The following EIPR1 variants were observed in gnomAD, a reference collection of about 807,000 sequenced individuals.
EIPR1 encodes EARP complex and GARP complex interacting protein 1.
A neutral mutation model predicts 48.1 loss-of-function variants in EIPR1; 25 were observed. That is an observed-to-expected ratio of 0.52 (90% CI 0.38 to 0.73). The LOEUF is 0.73. EIPR1 is among the 30% of genes least tolerant of loss of function. EIPR1 has a pLI of 0.00. For synonymous variants in EIPR1, 204 were observed against 201.9 expected, an observed-to-expected ratio of 1.01 and a Z score of -0.09; for missense variants, 415 against 506.2, an observed-to-expected ratio of 0.82 and a Z score of 1.73.
chr2:3,226,351 T>G (rs1356975025), intron 4 of EIPR1, among the ~76,000 whole-genome samples: 1 of 152,232 alleles, frequency 6.6e-6, no homozygotes. Flanking sequence ...CGGTTTTGAT[T>G]TCCATTTTTC....
rs56188604 is a variant in EIPR1, at chr2:3,265,669, C to T, written c.260-8214G>A. ...AGGGCTCAAGGCTGCCACATAAAAC[C>T]AGACATATGGCACAAACCGCAGCAG... On this transcript the variant is annotated intron_variant, in intron 3 of 8. Transcript: ENST00000382125. Among the ~76,000 whole-genome samples, 553 of 152,314 alleles carry T rather than the reference C, an allele frequency of 3.6e-3. 3 individuals carry two copies. The highest frequency in any genetic ancestry group is 0.013 in the African/African-American group (537 of 41,564).
At position 3,280,606 on chromosome 2, in the gene EIPR1, C is replaced by G. The variant is rs573799860; in HGVS notation, c.260-23151G>C. ...CAAGGCTGCGAGCAAACGAGGTTGC[C>G]TTGTCTAAGTCAGCTACAAGTATCC... is the stretch of plus-strand genomic sequence containing the variant. On this transcript the variant is annotated intron_variant, in intron 3 of 8. Coordinates refer to ENST00000382125, the MANE Select transcript of EIPR1 (RefSeq NM_003310.5). Among the ~76,000 whole-genome samples, 9 of 152,368 alleles carry G rather than the reference C, an allele frequency of 5.9e-5. No homozygotes were observed. In the East Asian group the frequency reaches 1.7e-3, roughly 29 times the overall value.
Position 3,208,777 on chromosome 2 carries a change from C to T in EIPR1, c.516+5372G>A, listed in dbSNP as rs1321656055. ...TGAGGCCCGTGGCGAGTCCTTCTTCCTTGAGTGAGGCTCGTGGCAGGTCCT... is the reference window on the plus strand; with the variant it reads ...TGAGGCCCGTGGCGAGTCCTTCTTCTTTGAGTGAGGCTCGTGGCAGGTCCT... On this transcript the variant is annotated intron_variant, in intron 5 of 8. Transcript: ENST00000382125. 3 of 1,548,604 alleles carry T rather than the reference C, an allele frequency of 1.9e-6. No homozygotes were observed. In the African/African-American group the frequency reaches 4.1e-5, roughly 21 times the overall value.
intron 2 of EIPR1, among the ~76,000 whole-genome samples, chr2:3,339,785 C>T (rs2103353837): frequency 2.0e-5 from 3 of 152,312 alleles, no homozygotes; most frequent in Admixed American, 2.0e-4. Flanking sequence ...CCCGTCTCTA[C>T]TAAAAATACA....
intron 2 of EIPR1, 149 bp downstream of exon 2, chr2:3,354,401 T>C (rs1572479688): frequency 1.5e-6 from 1 of 682,750 alleles, no homozygotes; most frequent in East Asian, 2.8e-5. Context: ...ATTCTTTGAT[T>C]TGAAGATAGA....
chr2:3,370,594 G>T (rs1177241161), intron 1 of EIPR1, among the ~76,000 whole-genome samples: 1 of 150,750 alleles, frequency 6.6e-6, no homozygotes, highest in African/African-American at 2.4e-5. Context: ...GAAGAATGCA[G>T]AAGCCTCAGG....
intron 2 of EIPR1, 21 bp from the exon 3 acceptor site, chr2:3,338,170 C>A: frequency 6.2e-7 from 1 of 1,607,912 alleles, no homozygotes; most frequent in South Asian, 1.1e-5. Context: ...AAGAAAAGAG[C>A]ACATCAGGAT....
At chr2:3,350,163 T>TA (rs1238893409) in intron 2 of EIPR1, among the ~76,000 whole-genome samples, 1 of 145,946 alleles carries the variant, frequency 6.9e-6, no homozygotes, top group African/African-American at 2.5e-5. Context: ...TACTGGGTAG[T>TA]TTATAAAGAA....
intron 4 of EIPR1, among the ~76,000 whole-genome samples, chr2:3,222,261 A>C (rs116124528): frequency 1.3e-5 from 2 of 152,336 alleles, no homozygotes; most frequent in African/African-American, 4.8e-5. Flanking sequence ...GGGGGAGAGG[A>C]CTGTATTTCC....
chr2:3,292,132 C>G (rs1200552605), intron 3 of EIPR1, among the ~76,000 whole-genome samples: 1 of 152,248 alleles, frequency 6.6e-6, no homozygotes, highest in Non-Finnish European at 1.5e-5. Flanking sequence ...AACCTACTAA[C>G]ATCTGGGGCC....
At position 3,307,122 on chromosome 2, in the gene EIPR1, C is replaced by T. The variant is rs148792205; in HGVS notation, c.259+30895G>A. Among the ~76,000 whole-genome samples, 1,203 of 152,126 alleles carry T rather than the reference C, an allele frequency of 7.9e-3. 21 individuals are homozygous for T. Among genetic ancestry groups the T allele is most frequent in the African/African-American group, 0.027 (1,123 of 41,484 alleles). ...GGATTACAGGCGCCTGCCACCACAC[C>T]CTGCTAATTTTTGTATTTTAGTAGA... On this transcript the variant is annotated intron_variant, in intron 3 of 8. Coordinates refer to ENST00000382125, the MANE Select transcript of EIPR1 (RefSeq NM_003310.5).
rs1223330493 is a variant in EIPR1 at position 3,284,354 on chromosome 2, G to A, written c.260-26899C>T. ...AAGCTGGGCACATGGAGATGGGGCC[G>A]GAGGCCGCCCACAGGCACAGAAGGC... On this transcript the variant is annotated intron_variant, in intron 3 of 8. Transcript: ENST00000382125. 4.1e-5 allele frequency among the ~76,000 whole-genome samples: 5 copies of A among 121,330 alleles called. No homozygotes were observed. In the South Asian group the frequency reaches 1.2e-3, roughly 29 times the overall value. The allele number at this position is 121,330 out of a possible 152,430, so 79.6% of individuals were successfully genotyped here. A position where few individuals can be genotyped will look rare whatever the true frequency, so the allele number is the denominator to read the frequency against.
chr2:3,321,060 G>A (rs1018869149), intron 3 of EIPR1, among the ~76,000 whole-genome samples: 3 of 152,168 alleles, frequency 2.0e-5, no homozygotes, highest in Non-Finnish European at 2.9e-5. Flanking sequence ...ATCTGAACAG[G>A]GCAGGAGGCT....
chr2:3,328,955 GC>G (rs1669792507), intron 3 of EIPR1, among the ~76,000 whole-genome samples: 5 of 67,188 alleles, frequency 7.4e-5, no homozygotes, highest in Non-Finnish European at 1.1e-4. Context: ...TGATCTCAGG[GC>G]ACCAGCCAGG....
At chr2:3,218,754 C>A (rs12471661) in intron 4 of EIPR1, among the ~76,000 whole-genome samples, 10 of 146,236 alleles carry the variant, frequency 6.8e-5, no homozygotes, top group African/African-American at 2.6e-4. Context: ...ACACTCAACA[C>A]GACCCTGATA....
At chr2:3,252,664 G>C (rs542711719) in intron 4 of EIPR1, among the ~76,000 whole-genome samples, 2 of 152,292 alleles carry the variant, frequency 1.3e-5, no homozygotes, top group South Asian at 2.1e-4. Flanking sequence ...ATGGTGACTT[G>C]AGAGGGAAGG....
At chr2:3,316,411 C>CTATT (rs762857299) in intron 3 of EIPR1, among the ~76,000 whole-genome samples, 8 of 152,120 alleles carry the variant, frequency 5.3e-5, no homozygotes, top group African/African-American at 1.2e-4. Context: ...AAGTACTTAT[C>CTATT]TATTTATTTA....
chr2:3,351,894 A>G (rs1670587297), intron 2 of EIPR1, among the ~76,000 whole-genome samples: 1 of 152,238 alleles, frequency 6.6e-6, no homozygotes, highest in African/African-American at 2.4e-5. Context: ...ATAAGTCTAA[A>G]TCACATACCA....
intron 1 of EIPR1, among the ~76,000 whole-genome samples, chr2:3,369,250 A>T (rs1671047998): frequency 6.6e-6 from 1 of 152,218 alleles, no homozygotes; most frequent in Non-Finnish European, 1.5e-5. Flanking sequence ...TATTTCAGGG[A>T]GGAGCCAAGA....
Sources: gnomAD v4.1 joint callset for allele counts (sites outside exome capture counted in the v4.1 genomes callset) on GRCh38, gnomAD v4.1.1 for gene constraint, MANE v1.5 for transcripts, NCBI Gene and HGNC (gene_info 2026-07-23, HGNC 2026-07-21) for gene names.